ZNF695: variants seen among roughly 807,000 people sequenced by gnomAD.
ZNF695 encodes zinc finger protein SBZF3.
Under a neutral mutation model 11.2 loss-of-function variants are expected in ZNF695, and 11 were observed. That is an observed-to-expected ratio of 0.98 (90% CI 0.62 to 1.62). ZNF695 has a LOEUF of 1.62. Ranked by LOEUF, ZNF695 falls within the 40% of genes most tolerant of loss-of-function variation. The pLI is 0.00. For synonymous variants in ZNF695, 190 were observed against 201.4 expected, an observed-to-expected ratio of 0.94 and a Z score of 0.48; for missense variants, 559 against 590.5, an observed-to-expected ratio of 0.95 and a Z score of 0.55.
chr1:246,983,386 T>C (rs1668764315), downstream of ZNF695, among the ~76,000 whole-genome samples: 1 of 152,078 alleles, frequency 6.6e-6, no homozygotes, highest in Non-Finnish European at 1.5e-5. Flanking sequence ...CTGGGCATGG[T>C]GGCATGTGGC....
intron 1 of ZNF695, among the ~76,000 whole-genome samples, chr1:247,002,752 C>T (rs1669423825): frequency 6.6e-6 from 1 of 151,700 alleles, no homozygotes; most frequent in Non-Finnish European, 1.5e-5. Context: ...CACTGCACTA[C>T]AGCCTGGGTG....
At position 246,985,804 on chromosome 1, in the gene ZNF695, T is replaced by C. The variant is rs1017641235; in HGVS notation, c.*1163A>G. 4.1e-6 allele frequency: 4 copies of C among 985,260 alleles called. No individual in the cohort carries two copies. The Admixed American group carries it at 2.5e-4, about 61-fold the overall frequency. 61.0% of individuals were successfully genotyped at this position (985,260 alleles called of 1,614,324 possible). ...ACTTACAACCCTATTATAAGACAAG[T>C]ACAAAGAGCCTCTCCAGTTAAATTT... On this transcript the variant is annotated 3_prime_UTR_variant, in exon 4 of 4. Transcript: ENST00000339986.
chr1:246,958,785 C>A (rs997761616), intron 5 of ZNF695, among the ~76,000 whole-genome samples: 21 of 152,128 alleles, frequency 1.4e-4, no homozygotes, highest in African/African-American at 5.1e-4. Flanking sequence ...TAAGCCACCC[C>A]ATTTTCGGGT....
chr1:246,988,092 A>C lies in ZNF695; in HGVS notation c.423T>G (p.Tyr141Ter). The C allele has an allele frequency of 6.2e-7, 1 of 1,613,536 alleles. No homozygotes were observed. The highest frequency in any genetic ancestry group is 8.5e-7 in the Non-Finnish European group (1 of 1,179,762). The change falls in exon 4 of 4, where the codon TAT becomes TAG. Residue 141 changes from tyrosine to a stop codon, truncating the protein, a stop_gained. Transcript: ENST00000339986. LOFTEE classifies it low-confidence loss of function (END_TRUNC). Reference protein sequence around the residue: ...VGEWKGQKASYNGLDLCSATT... With the variant: ...VGEWKGQKAS ...TTGCTGAGCATAGGTCAAGTCCATT[A>C]TAACTTGCCTTCTGCCCTTTCCACT...
Position 246,987,044 on chromosome 1 carries a change from G to C in ZNF695, c.1471C>G (p.Pro491Ala). The C allele has an allele frequency of 1.9e-6, 3 of 1,613,794 alleles. No homozygotes were observed. Among genetic ancestry groups the C allele is most frequent in the Non-Finnish European group, 2.5e-6 (3 of 1,179,908 alleles). ...TTGCCACATTCCTCACACTTGTATG[G>C]TTTCTCTCTGGTATGAATTGTCTTA... ...KHKTIHTREK[P>A]YKCEECGKAF... is the part of the protein sequence containing the mutation. Residue 491 changes from proline (P) to alanine (A), a missense_variant, in exon 4 of 4, where the codon CCA becomes GCA. Transcript: ENST00000339986.
intron 1 of ZNF695, among the ~76,000 whole-genome samples, chr1:247,005,692 C>A (rs552023552): frequency 1.1e-4 from 17 of 151,412 alleles, no homozygotes; most frequent in South Asian, 2.1e-4. Flanking sequence ...AACAAACAAA[C>A]AAAAAAAACG....
At position 246,955,065 on chromosome 1, in the gene ZNF695, C is replaced by T. The variant is rs76621319; in HGVS notation, c.489-9238G>A. Among the ~76,000 whole-genome samples the T allele has an allele frequency of 8.7e-3, 1,320 of 152,248 alleles. 13 individuals are homozygous for T. The highest frequency in any genetic ancestry group is 0.015 in the Admixed American group (232 of 15,290). Reference sequence around the variant, plus strand: ...AATCATAGGGGGAGTTTTTCCCATACAGTTCTCACGACAGTGAATAAGTCT... The same window carrying T: ...AATCATAGGGGGAGTTTTTCCCATATAGTTCTCACGACAGTGAATAAGTCT... On this transcript the variant is annotated intron_variant, in intron 5 of 5. Transcript: ENST00000487338.
chr1:246,962,475 C>T (rs1391148376), intron 5 of ZNF695, among the ~76,000 whole-genome samples: 3 of 152,226 alleles, frequency 2.0e-5, no homozygotes, highest in African/African-American at 7.2e-5. Context: ...TTCTTAAATA[C>T]CTCTCAAATC....
chr1:246,982,349 ATTCAAAAATAGG>A (rs1365093569), downstream of ZNF695, among the ~76,000 whole-genome samples: 1 of 152,102 alleles, frequency 6.6e-6, no homozygotes, highest in Non-Finnish European at 1.5e-5. Context: ...CAACACACAC[ATTCAAAAATAGG>A]TTCTGCATGG....
rs1369437975 is a variant in ZNF695, at chr1:246,987,393, A to C, written c.1122T>G (p.His374Gln). 6.2e-7 allele frequency: 1 copy of C among 1,613,268 alleles called. No individual in the cohort carries two copies. The highest frequency in any genetic ancestry group is 8.5e-7 in the Non-Finnish European group (1 of 1,179,686). Residue 374 changes from histidine to glutamine, a missense_variant, in exon 4 of 4, where the codon CAT becomes CAG. Transcript: ENST00000339986. Reference sequence around the variant, plus strand: ...CACATTTGTATGGTTTCTCACCAGTATGAATTCTCCTATGTTCAGTCAGAT... The same window carrying C: ...CACATTTGTATGGTTTCTCACCAGTCTGAATTCTCCTATGTTCAGTCAGAT... ...SSHLTEHRRI[H>Q]TGEKPYKCEE...
At chr1:246,953,924 A>AAAAC (rs1208987042) in intron 5 of ZNF695, among the ~76,000 whole-genome samples, 1 of 151,428 alleles carries the variant, frequency 6.6e-6, no homozygotes, top group African/African-American at 2.4e-5. Context: ...AGACTGTCTC[A>AAAAC]AAACAAACAA....
At chr1:247,004,108 A>C (rs1362706576) in intron 1 of ZNF695, among the ~76,000 whole-genome samples, 1 of 152,174 alleles carries the variant, frequency 6.6e-6, no homozygotes. Context: ...GCTACTCGGG[A>C]GGCTGAGGCA....
intron 5 of ZNF695, among the ~76,000 whole-genome samples, chr1:246,954,439 T>G (rs540519592): frequency 1.1e-4 from 17 of 152,294 alleles, no homozygotes; most frequent in African/African-American, 4.1e-4. Context: ...AACCTTCCAG[T>G]GGCCTAAGAT....
intron 5 of ZNF695, among the ~76,000 whole-genome samples, chr1:246,949,356 C>T (rs951225720): frequency 2.0e-5 from 3 of 151,952 alleles, no homozygotes; most frequent in Non-Finnish European, 4.4e-5. Flanking sequence ...TTTGGGCGGC[C>T]GAGGCAGGCA....
At position 246,986,571 on chromosome 1, in the gene ZNF695, T is replaced by G. The variant is rs538281520; in HGVS notation, c.*396A>C. 8.2e-5 allele frequency: 82 copies of G among 997,214 alleles called. 1 individual carries two copies. The highest frequency in any genetic ancestry group is 1.0e-3 in the Middle Eastern group (2 of 1,954). The allele number at this position is 997,214 out of a possible 1,614,324, so 61.8% of individuals were successfully genotyped here. A position where few individuals can be genotyped will look rare whatever the true frequency, so the allele number is the denominator to read the frequency against. On this transcript the variant is annotated 3_prime_UTR_variant, in exon 4 of 4. Transcript: ENST00000339986. Reference sequence around the variant, plus strand: ...TGATTAGACATTTTTTCACATTTACTGCATCTGTAAAACAGTTTTTAGTGT... The same window carrying G: ...TGATTAGACATTTTTTCACATTTACGGCATCTGTAAAACAGTTTTTAGTGT...
chr1:246,977,076 CAA>C (rs1668586966), intron 4 of ZNF695, among the ~76,000 whole-genome samples: 3 of 152,278 alleles, frequency 2.0e-5, no homozygotes, highest in South Asian at 4.1e-4. Flanking sequence ...CTGCCATTCG[CAA>C]AGTTTATGAG....
At chr1:246,980,918 T>C (rs972176891), downstream of ZNF695, among the ~76,000 whole-genome samples, 11 of 152,124 alleles carry the variant, frequency 7.2e-5, no homozygotes, top group Admixed American at 3.3e-4. Context: ...TGAAACTTCT[T>C]TCAACTAAAA....
Position 246,985,907 on chromosome 1 carries a change from A to T in ZNF695, c.*1060T>A. The T allele has an allele frequency of 1.0e-6, 1 of 985,424 alleles. No homozygotes were observed. The highest frequency in any genetic ancestry group is 1.2e-6 in the Non-Finnish European group (1 of 829,934). 61.0% of individuals were successfully genotyped at this position (985,424 alleles called of 1,614,324 possible). The stretch of plus-strand genomic sequence containing the variant: ...AACAACACCCACCCGAATATAGAAG[A>T]AACTCTCACAGCTTTCATGTAGCAA... On this transcript the variant is annotated 3_prime_UTR_variant, in exon 4 of 4. Coordinates refer to ENST00000339986, the MANE Select transcript of ZNF695 (RefSeq NM_020394.5).
chr1:246,992,219 G>T (rs1042455852), intron 3 of ZNF695, among the ~76,000 whole-genome samples: 1 of 152,040 alleles, frequency 6.6e-6, no homozygotes, highest in African/African-American at 2.4e-5. Flanking sequence ...TCAGCCTTAA[G>T]AAAGGATGAG....
Sources: gnomAD v4.1 joint callset for allele counts (sites outside exome capture counted in the v4.1 genomes callset) on GRCh38, gnomAD v4.1.1 for gene constraint, MANE v1.5 for transcripts, NCBI Gene and HGNC (gene_info 2026-07-23, HGNC 2026-07-21) for gene names.